The following PI4KA variants were observed in gnomAD, a reference collection of about 807,000 sequenced individuals.
The protein encoded by PI4KA is PI4-kinase alpha.
A neutral mutation model predicts 271.4 loss-of-function variants in PI4KA; 122 were observed. That is an observed-to-expected ratio of 0.45 (90% CI 0.39 to 0.52). PI4KA has a LOEUF of 0.52. Ranked by LOEUF, PI4KA falls within the 20% of genes least tolerant of loss-of-function variation. PI4KA has a pLI of 0.00. For missense variants in PI4KA, 1,969 were observed against 2,769.1 expected (o/e 0.71, Z 6.48); for synonymous variants, 1,041 against 1,078.8 (o/e 0.96, Z 0.69).
chr22:20,729,699 T>G lies in PI4KA; in HGVS notation c.4421A>C (p.Lys1474Thr). Reference sequence around the variant, plus strand: ...GTGCAGCTGGGAGCCCCGGTTGGTTTTCTTAGACATGCCTAGGAGGAAAGA... The same window carrying G: ...GTGCAGCTGGGAGCCCCGGTTGGTTGTCTTAGACATGCCTAGGAGGAAAGA... Reference protein sequence around the residue: ...TISKKSGMSKKTNRGSQLHKY... With the variant: ...TISKKSGMSKTTNRGSQLHKY... Residue 1474 changes from lysine to threonine, a missense_variant, in exon 38 of 55, where the codon AAA becomes ACA. Transcript: ENST00000255882. 6.3e-7 allele frequency: 1 copy of G among 1,592,484 alleles called. No homozygotes were observed. Among genetic ancestry groups the G allele is most frequent in the South Asian group, 1.1e-5 (1 of 88,318 alleles).
At chr22:20,753,415 C>T (rs1030473708) in intron 23 of PI4KA, among the ~76,000 whole-genome samples, 9 of 152,152 alleles carry the variant, frequency 5.9e-5, no homozygotes, top group Non-Finnish European at 8.8e-5. Flanking sequence ...CTTCAGACTT[C>T]GTCTGGATTT....
At chr22:20,852,056 A>G (rs909276656) in intron 1 of PI4KA, among the ~76,000 whole-genome samples, 3 of 152,292 alleles carry the variant, frequency 2.0e-5, no homozygotes, top group East Asian at 1.9e-4. Flanking sequence ...CCCAGGAGGC[A>G]GAGCTTGCAG....
rs141539411 is a variant in PI4KA, at chr22:20,857,769, G to GT, written c.156+800dup. Among the ~76,000 whole-genome samples, 899 of 152,312 alleles carry GT rather than the reference G, an allele frequency of 5.9e-3. 8 individuals are homozygous for GT. Among genetic ancestry groups the GT allele is most frequent in the East Asian group, 0.055 (287 of 5,190 alleles). On this transcript the variant is annotated intron_variant, in intron 1 of 54. Coordinates refer to ENST00000255882, the MANE Select transcript of PI4KA (RefSeq NM_058004.4). Reference sequence around the variant, plus strand: ...AAATTTACCCAAGAGGACATGGTAAGTAAGTGCCAGTGCAGGGAACAAATT... The same window carrying GT: ...AAATTTACCCAAGAGGACATGGTAAGTTAAGTGCCAGTGCAGGGAACAAATT...
intron 7 of PI4KA, among the ~76,000 whole-genome samples, chr22:20,816,872 C>T (rs1053083254): frequency 1.8e-4 from 27 of 152,110 alleles, no homozygotes; most frequent in African/African-American, 6.5e-4. Context: ...AGTGGGGCAG[C>T]GGTCATGGAG....
chr22:20,724,547 G>GC (rs1480418756), intron 42 of PI4KA, among the ~76,000 whole-genome samples: 1 of 151,772 alleles, frequency 6.6e-6, no homozygotes, highest in Non-Finnish European at 1.5e-5. Context: ...GGCAGAGGCT[G>GC]CAAGGAGCCG....
chr22:20,805,082 G>C lies in PI4KA; in HGVS notation c.1252C>G (p.Leu418Val), dbSNP rs1935566055. The C allele has an allele frequency of 1.2e-6, 2 of 1,614,042 alleles. No individual in the cohort carries two copies. The highest frequency in any genetic ancestry group is 1.7e-6 in the Non-Finnish European group (2 of 1,179,904). The change falls in exon 11 of 55, where the codon CTA (leucine) becomes GTA (valine). Residue 418 changes from leucine to valine, a missense_variant. Physicochemically the swap from Leu to Val is conservative, Grantham distance 32 (BLOSUM62 1). Coordinates refer to ENST00000255882, the MANE Select transcript of PI4KA (RefSeq NM_058004.4). ...NTSQGELQKI[L>V]HDADRIHNEL... ...TTGTGGATCCGGTCTGCGTCATGTAGAATCTTCTGGAGCTCCCCCTGGCTC... is the reference window on the plus strand; with the variant it reads ...TTGTGGATCCGGTCTGCGTCATGTACAATCTTCTGGAGCTCCCCCTGGCTC...
At position 20,770,198 on chromosome 22, in the gene PI4KA, G is replaced by GTT. The variant is rs57342421; in HGVS notation, c.2329-4507_2329-4506dup. On this transcript the variant is annotated intron_variant, in intron 19 of 54. Coordinates refer to ENST00000255882, the MANE Select transcript of PI4KA (RefSeq NM_058004.4). ...TACAGGTGTGCAGCATCATGGCCCAGTTTTTTTTTTTTTGGTAGAGATGGG... is the reference window on the plus strand; with the variant it reads ...TACAGGTGTGCAGCATCATGGCCCAGTTTTTTTTTTTTTTTGGTAGAGATGGG... Among the ~76,000 whole-genome samples, 37 of 143,322 alleles carry GTT rather than the reference G, an allele frequency of 2.6e-4. 1 individual carries two copies. Among genetic ancestry groups the GTT allele is most frequent in the Admixed American group, 1.7e-3 (24 of 14,252 alleles). The allele number at this position is 143,322 out of a possible 152,430, so 94.0% of individuals were successfully genotyped here.
At chr22:20,749,556 C>T (rs538856840) in intron 28 of PI4KA, among the ~76,000 whole-genome samples, 2 of 152,388 alleles carry the variant, frequency 1.3e-5, no homozygotes, top group East Asian at 3.9e-4. Context: ...GGCACAGGTG[C>T]CAGCAATGCA....
chr22:20,768,057 C>T (rs546457907), intron 19 of PI4KA, among the ~76,000 whole-genome samples: 9 of 151,932 alleles, frequency 5.9e-5, no homozygotes, highest in South Asian at 4.2e-4. Flanking sequence ...AGATCACACG[C>T]AAAGCTGCCA....
intron 23 of PI4KA, among the ~76,000 whole-genome samples, chr22:20,755,795 C>T (rs1019602057): frequency 2.0e-5 from 3 of 147,980 alleles, no homozygotes; most frequent in African/African-American, 7.5e-5. Context: ...GAGCGACACA[C>T]TGTCACATAA....
intron 1 of PI4KA, among the ~76,000 whole-genome samples, chr22:20,840,879 T>C (rs988619903): frequency 6.6e-6 from 1 of 151,962 alleles, no homozygotes; most frequent in Non-Finnish European, 1.5e-5. Context: ...TAATCAGCTA[T>C]TGTCAGAGGC....
intron 4 of PI4KA, among the ~76,000 whole-genome samples, chr22:20,823,765 C>T (rs1336269980): frequency 1.3e-5 from 2 of 152,056 alleles, no homozygotes; most frequent in East Asian, 1.9e-4. Context: ...ATGGCGAAAC[C>T]TTGTCTCTAC....
In PI4KA at chr22:20,794,577, G is replaced by A. The variant is rs565737778; in HGVS notation, c.2278-1334C>T. ...GAGTCTTAGGATCCCTGCTTGCATC[G>A]GCCACTCTCTCTTGGCTGAGACTTT... is the stretch of plus-strand genomic sequence containing the variant. On this transcript the variant is annotated intron_variant, in intron 18 of 54. Transcript: ENST00000255882. Among the ~76,000 whole-genome samples, 16 of 152,166 alleles carry A rather than the reference G, an allele frequency of 1.1e-4. 1 individual carries two copies. Among genetic ancestry groups the A allele is most frequent in the African/African-American group, 2.9e-4 (12 of 41,512 alleles).
intron 42 of PI4KA, chr22:20,721,920 G>T (rs4822471): frequency 0.38 from 60,682 of 159,828 alleles, 11,851 homozygotes; most frequent in Admixed American, 0.46. Flanking sequence ...TTGAGGAAGA[G>T]ACCTGGTGGG....
chr22:20,750,591 CACAGGGACACTGTGCA>C (rs1218433106), intron 27 of PI4KA, among the ~76,000 whole-genome samples: 1 of 152,240 alleles, frequency 6.6e-6, no homozygotes, highest in Non-Finnish European at 1.5e-5. Flanking sequence ...AATAACATGT[CACAGGGACACTGTGCA>C]ACTTGTGTCC....
chr22:20,764,740 A>G, intron 22 of PI4KA, 77 bp downstream of exon 22: 1 of 1,429,548 alleles, frequency 7.0e-7, no homozygotes. Context: ...AAAAAGTCTC[A>G]TGCTTACGAG....
At chr22:20,850,610 T>C (rs1926844447) in intron 1 of PI4KA, among the ~76,000 whole-genome samples, 1 of 151,864 alleles carries the variant, frequency 6.6e-6, no homozygotes, top group Admixed American at 6.6e-5. Flanking sequence ...GCTAATTTTT[T>C]GTATTTTTAG....
chr22:20,802,165 T>C (rs1935372195), intron 13 of PI4KA, 60 bp from the exon 14 acceptor site: 2 of 1,512,954 alleles, frequency 1.3e-6, no homozygotes, highest in Admixed American at 3.5e-5. Flanking sequence ...ATCACCTTCT[T>C]TGTAATTCAA....
At chr22:20,857,275 C>T (rs1927716548) in intron 1 of PI4KA, among the ~76,000 whole-genome samples, 1 of 152,200 alleles carries the variant, frequency 6.6e-6, no homozygotes. Context: ...AACTCATGTC[C>T]TTTCCATTGC....
Sources: allele counts gnomAD v4.1 joint callset (sites outside exome capture counted in the v4.1 genomes callset), GRCh38; gene constraint gnomAD v4.1.1; transcripts MANE v1.5; gene names NCBI Gene and HGNC (gene_info 2026-07-23, HGNC 2026-07-21).